SLC2A12: variants seen among roughly 807,000 people sequenced by gnomAD.
SLC2A12 encodes the protein solute carrier family 2, facilitated glucose transporter member 12.
Under a neutral mutation model 41.8 loss-of-function variants are expected in SLC2A12, and 23 were observed. The observed-to-expected ratio is 0.55, with a 90% CI of 0.40 to 0.78. SLC2A12 has a LOEUF of 0.78. SLC2A12 is among the 30% of genes least tolerant of loss of function. The pLI, the probability that SLC2A12 is intolerant of heterozygous loss-of-function variation, is 0.00. For synonymous variants in SLC2A12, 295 were observed against 285.9 expected (o/e 1.03, Z -0.32); for missense variants, 654 against 745.6 (o/e 0.88, Z 1.43).
At chr6:134,022,538 GA>G (rs1259064551) in intron 2 of SLC2A12, among the ~76,000 whole-genome samples, 4 of 8,586 alleles carry the variant, frequency 4.7e-4, no homozygotes, top group African/African-American at 3.2e-3. Context: ...TCTCAAAAAA[GA>G]AAAGAAAAGA....
intron 2 of SLC2A12, among the ~76,000 whole-genome samples, chr6:134,010,935 T>C (rs1007957660): frequency 1.2e-4 from 19 of 152,244 alleles, no homozygotes; most frequent in African/African-American, 4.6e-4. Flanking sequence ...CATTTAACCT[T>C]CTATGCCTTC....
At chr6:134,007,436 G>T (rs528721373) in intron 2 of SLC2A12, among the ~76,000 whole-genome samples, 1 of 152,234 alleles carries the variant, frequency 6.6e-6, no homozygotes, top group Non-Finnish European at 1.5e-5. Context: ...TGAGGAAGCC[G>T]GCTACTCTCC....
chr6:134,032,798 ATATAT>A (rs1777239066), intron 1 of SLC2A12, among the ~76,000 whole-genome samples: 1 of 143,570 alleles, frequency 7.0e-6, no homozygotes, highest in Non-Finnish European at 1.5e-5. Flanking sequence ...TATATTATAT[ATATAT>A]AATTTATATC....
At chr6:134,015,416 C>T (rs550110970) in intron 2 of SLC2A12, among the ~76,000 whole-genome samples, 5 of 152,214 alleles carry the variant, frequency 3.3e-5, no homozygotes, top group African/African-American at 7.2e-5. Flanking sequence ...CCATGGCACA[C>T]GTTTACCTAT....
At chr6:134,035,329 A>G (rs748057652) in intron 1 of SLC2A12, among the ~76,000 whole-genome samples, 16 of 152,062 alleles carry the variant, frequency 1.1e-4, no homozygotes, top group Non-Finnish European at 1.9e-4. Context: ...CCCCAAAGCA[A>G]ATCATAAAAC....
chr6:134,022,531 CAA>C (rs1289580858), intron 2 of SLC2A12, among the ~76,000 whole-genome samples: 1 of 116,596 alleles, frequency 8.6e-6, no homozygotes, highest in African/African-American at 3.2e-5. Flanking sequence ...AACTCCATCT[CAA>C]AAAAGAAAAG....
intron 2 of SLC2A12, among the ~76,000 whole-genome samples, chr6:134,012,615 A>C (rs902532291): frequency 6.6e-6 from 1 of 152,222 alleles, no homozygotes; most frequent in African/African-American, 2.4e-5. Flanking sequence ...ACTCTTTTAA[A>C]TGTTTCCTGT....
At chr6:133,995,283 A>G (rs1055614321) in intron 4 of SLC2A12, among the ~76,000 whole-genome samples, 6 of 152,180 alleles carry the variant, frequency 3.9e-5, no homozygotes, top group Non-Finnish European at 8.8e-5. Flanking sequence ...AAAGATGCAG[A>G]TGATGCAGCA....
In SLC2A12 at chr6:134,028,667, C is replaced by A. The variant is rs376758289; in HGVS notation, c.1158G>T (p.Leu386Phe). ...CTGGTCCATAAATCACAGACTCATC[C>A]AAGGACTGGTTGATAGAATTGTGGC... ...CRSHNSINQS[L>F]DESVIYGPGN... Residue 386 changes from leucine (L) to phenylalanine (F), a missense_variant, in exon 2 of 5, where the codon TTG becomes TTT. This residue lies in a region of SLC2A12 where 411 missense variants were observed against 412.1 expected (regional missense o/e 1.00). Coordinates refer to ENST00000275230, the MANE Select transcript of SLC2A12 (RefSeq NM_145176.3). 1 of 1,614,052 alleles carries A rather than the reference C, an allele frequency of 6.2e-7. No homozygotes were observed. Among genetic ancestry groups the A allele is most frequent in the African/African-American group, 1.3e-5 (1 of 74,926 alleles).
chr6:134,021,476 C>T (rs910721557), intron 2 of SLC2A12, among the ~76,000 whole-genome samples: 1 of 152,132 alleles, frequency 6.6e-6, no homozygotes, highest in African/African-American at 2.4e-5. Flanking sequence ...AAGTAATACC[C>T]TATTGCTAAG....
At chr6:134,000,183 A>G (rs1776738543) in intron 4 of SLC2A12, among the ~76,000 whole-genome samples, 1 of 152,164 alleles carries the variant, frequency 6.6e-6, no homozygotes, top group African/African-American at 2.4e-5. Flanking sequence ...TTTTGAAAAC[A>G]GGGCCTCATC....
In SLC2A12 at chr6:134,038,700, CTTTTTT is replaced by C. The variant is rs200794350; in HGVS notation, c.104-8985_104-8980del. On this transcript the variant is annotated intron_variant, in intron 1 of 4. Coordinates refer to ENST00000275230, the MANE Select transcript of SLC2A12 (RefSeq NM_145176.3). Reference sequence around the variant, plus strand: ...CTTTTATCCTTTCTTCCTTTCTTTCCTTTTTTTTTTTTTTTTTTTTTTTTTTACAAA... The same window carrying C: ...CTTTTATCCTTTCTTCCTTTCTTTCCTTTTTTTTTTTTTTTTTTTTACAAA... Among the ~76,000 whole-genome samples the C allele has an allele frequency of 6.1e-5, 5 of 82,110 alleles. No individual in the cohort carries two copies. In the South Asian group the frequency reaches 1.1e-3, roughly 18 times the overall value. 53.9% of individuals were successfully genotyped at this position (82,110 alleles called of 152,430 possible). A position where few individuals can be genotyped will look rare whatever the true frequency, so the allele number is the denominator to read the frequency against.
At chr6:134,032,467 T>A (rs1777230850) in intron 1 of SLC2A12, among the ~76,000 whole-genome samples, 1 of 33,162 alleles carries the variant, frequency 3.0e-5, no homozygotes, top group African/African-American at 1.7e-4. Context: ...TATATATATT[T>A]TTATATATAT....
At position 133,989,200 on chromosome 6, in the gene SLC2A12, T is replaced by A. The variant is rs984326863; in HGVS notation, c.*1955A>T. 22 of 152,186 alleles carry A rather than the reference T, an allele frequency of 1.4e-4. No homozygotes were observed. The highest frequency in any genetic ancestry group is 2.8e-4 in the Non-Finnish European group (19 of 68,040). The allele number at this position is 152,186 out of a possible 1,614,324, so 9.4% of individuals were successfully genotyped here. A position where few individuals can be genotyped will look rare whatever the true frequency, so the allele number is the denominator to read the frequency against. On this transcript the variant is annotated 3_prime_UTR_variant, in exon 5 of 5. Coordinates refer to ENST00000275230, the MANE Select transcript of SLC2A12 (RefSeq NM_145176.3). Reference sequence around the variant, plus strand: ...CCATAAGTACTGTAAATTTTTTTTATAAATAAAAACTGTGAATATATATGT... The same window carrying A: ...CCATAAGTACTGTAAATTTTTTTTAAAAATAAAAACTGTGAATATATATGT...
chr6:133,994,527 A>G (rs1279812124), intron 4 of SLC2A12, among the ~76,000 whole-genome samples: 2 of 152,136 alleles, frequency 1.3e-5, no homozygotes, highest in Admixed American at 6.5e-5. Flanking sequence ...GGAGATCGAG[A>G]CCATCCTGGC....
chr6:134,048,228 T>C (rs1215940723), intron 1 of SLC2A12, among the ~76,000 whole-genome samples: 1 of 152,154 alleles, frequency 6.6e-6, no homozygotes. Context: ...AAAGGGGAGA[T>C]ATTTATGTTT....
At position 134,043,221 on chromosome 6, in the gene SLC2A12, A is replaced by T. The variant is rs545577478; in HGVS notation, c.103+9157T>A. Among the ~76,000 whole-genome samples, 200 of 152,254 alleles carry T rather than the reference A, an allele frequency of 1.3e-3. 1 individual carries two copies. The highest frequency in any genetic ancestry group is 4.6e-3 in the African/African-American group (193 of 41,542). On this transcript the variant is annotated intron_variant, in intron 1 of 4. Transcript: ENST00000275230. ...TGGAGCAGGGATAAGAGAAAAGACC[A>T]GTTGCTGGAAGTGGAGGGCAAGGAC...
At chr6:134,001,756 GA>G (rs34905108) in intron 4 of SLC2A12, among the ~76,000 whole-genome samples, 3,417 of 100,910 alleles carry the variant, frequency 0.034, 109 homozygotes, top group African/African-American at 0.1. Flanking sequence ...TTTGTAGTTT[GA>G]AAAAAAAAAA....
At chr6:133,997,311 C>T (rs935464563) in intron 4 of SLC2A12, among the ~76,000 whole-genome samples, 1 of 152,162 alleles carries the variant, frequency 6.6e-6, no homozygotes, top group African/African-American at 2.4e-5. Flanking sequence ...TGAGTATATA[C>T]CCAAAGGAAA....
Sources: allele counts gnomAD v4.1 joint callset (sites outside exome capture counted in the v4.1 genomes callset), GRCh38; gene constraint gnomAD v4.1.1; regional missense constraint gnomAD v4.1.1; transcripts MANE v1.5; gene names NCBI Gene and HGNC (gene_info 2026-07-23, HGNC 2026-07-21).